The following SLC26A3 variants were observed in gnomAD, a reference collection of about 807,000 sequenced individuals.
SLC26A3 encodes chloride anion exchanger.
SLC26A3 carries 64 observed loss-of-function variants against 85.6 expected under a neutral mutation model. The observed-to-expected ratio is 0.75, with a 90% CI of 0.61 to 0.92. The LOEUF (loss-of-function observed/expected upper bound fraction) is 0.92. SLC26A3 is among the 40% of genes least tolerant of loss of function. SLC26A3 has a pLI of 0.00. For missense variants in SLC26A3, 922 were observed against 927.3 expected, an observed-to-expected ratio of 0.99 and a Z score of 0.07; for synonymous variants, 349 against 336.0, an observed-to-expected ratio of 1.04 and a Z score of -0.42.
chr7:107,793,565 G>C (rs1430245060), intron 3 of SLC26A3, among the ~76,000 whole-genome samples, 177 bp downstream of exon 3: 1 of 152,092 alleles, frequency 6.6e-6, no homozygotes, highest in Non-Finnish European at 1.5e-5. Context: ...GAAAGGGTAG[G>C]GGGGATGTGA....
At chr7:107,769,926 G>A (rs2115791495) in intron 18 of SLC26A3, among the ~76,000 whole-genome samples, 1 of 152,036 alleles carries the variant, frequency 6.6e-6, no homozygotes, top group South Asian at 2.1e-4. Flanking sequence ...TACTCAAAAT[G>A]TCATATTGCT....
chr7:107,775,625 G>T (rs192216835), intron 15 of SLC26A3, among the ~76,000 whole-genome samples: 1 of 151,556 alleles, frequency 6.6e-6, no homozygotes, highest in Non-Finnish European at 1.5e-5. Flanking sequence ...TCATCTACTT[G>T]GGGGGCTGAG....
chr7:107,780,697 C>T (rs2115836061), intron 11 of SLC26A3, among the ~76,000 whole-genome samples: 1 of 152,132 alleles, frequency 6.6e-6, no homozygotes, highest in South Asian at 2.1e-4. Context: ...ACAGGTAATC[C>T]TTATAATATA....
intron 1 of SLC26A3, among the ~76,000 whole-genome samples, chr7:107,796,942 G>A (rs909904736): frequency 2.0e-5 from 3 of 152,056 alleles, no homozygotes; most frequent in Non-Finnish European, 4.4e-5. Flanking sequence ...GATCTTGAAG[G>A]TACTTTTATT....
chr7:107,783,138 T>C, intron 9 of SLC26A3, 45 bp from the exon 10 acceptor site: 8 of 1,613,338 alleles, frequency 5.0e-6, no homozygotes, highest in Non-Finnish European at 5.9e-6. Flanking sequence ...GTGGCACCAT[T>C]GATATTATGT....
At chr7:107,785,846 G>A (rs913127733) in intron 8 of SLC26A3, among the ~76,000 whole-genome samples, 16 of 151,838 alleles carry the variant, frequency 1.1e-4, no homozygotes, top group East Asian at 9.7e-4. Flanking sequence ...CTGATTTCTC[G>A]AATTCTCAAA....
At chr7:107,778,104 G>A (rs1794150076) in intron 13 of SLC26A3, 71 bp downstream of exon 13, 5 of 1,006,190 alleles carry the variant, frequency 5.0e-6, no homozygotes, top group South Asian at 4.0e-5. Flanking sequence ...TTTAGCCAGT[G>A]ACATTTTTTT....
In SLC26A3 at chr7:107,791,195, A is replaced by G; in HGVS notation, c.423T>C (p.Val141=). The change falls in exon 5 of 21, where the codon GTT becomes GTC. Residue 141 remains valine, a synonymous_variant. Coordinates refer to ENST00000340010, the MANE Select transcript of SLC26A3 (RefSeq NM_000111.3). ...GGACTGCTTTTGAAACTGCTCCTGA[A>G]ACTGCTAGTCCCACCATCATACTCA... is the stretch of plus-strand genomic sequence containing the variant. The part of the protein sequence containing the change: ...PILSMMVGLA[V]SGAVSKAVPD... The G allele has an allele frequency of 8.7e-6, 14 of 1,614,158 alleles. No individual in the cohort carries two copies. Among genetic ancestry groups the G allele is most frequent in the Non-Finnish European group, 1.1e-5 (13 of 1,180,024 alleles).
At chr7:107,776,782 A>T in intron 13 of SLC26A3, 76 bp from the exon 14 acceptor site, 1 of 1,228,348 alleles carries the variant, frequency 8.1e-7, no homozygotes, top group Non-Finnish European at 1.2e-6. Flanking sequence ...GACTTTTTCC[A>T]GCATACCAAA....
intron 11 of SLC26A3, among the ~76,000 whole-genome samples, chr7:107,782,573 G>A (rs961581432): frequency 2.0e-5 from 3 of 152,202 alleles, no homozygotes; most frequent in Admixed American, 2.0e-4. Flanking sequence ...CATGCAAAGT[G>A]TAGAGGAGAT....
chr7:107,791,226 G>C lies in SLC26A3; in HGVS notation c.392C>G (p.Pro131Arg), dbSNP rs386833481. The change falls in exon 5 of 21, where the codon CCG (proline) becomes CGG (arginine). Residue 131 changes from proline to arginine, a missense_variant. By Grantham distance (103) the Pro-to-Arg change is moderately radical. Coordinates refer to ENST00000340010, the MANE Select transcript of SLC26A3 (RefSeq NM_000111.3). Reference protein sequence around the residue: ...TSRHISVGPFPILSMMVGLAV... With the variant: ...TSRHISVGPFRILSMMVGLAV... ...TAGTCCCACCATCATACTCAGAATC[G>C]GAAACGGACCTAATTAACAGTGGGT... 44 of 1,614,160 alleles carry C rather than the reference G, an allele frequency of 2.7e-5. No homozygotes were observed. The highest frequency in any genetic ancestry group is 3.7e-5 in the Non-Finnish European group (44 of 1,180,026).
intron 6 of SLC26A3, among the ~76,000 whole-genome samples, chr7:107,789,113 C>CTTTTTTT (rs1444704449): frequency 4.8e-5 from 6 of 124,866 alleles, no homozygotes; most frequent in African/African-American, 1.8e-4. Context: ...CTTTTCTTTT[C>CTTTTTTT]TTTTTCTTTT....
At position 107,779,763 on chromosome 7, in the gene SLC26A3, A is replaced by G. The variant is rs763669046; in HGVS notation, c.1312T>C (p.Ser438Pro). The G allele has an allele frequency of 4.8e-5, 78 of 1,612,398 alleles. No homozygotes were observed. The highest frequency in any genetic ancestry group is 6.5e-5 in the Non-Finnish European group (77 of 1,178,612). The change falls in exon 12 of 21, where the codon TCC (serine) becomes CCC (proline). Residue 438 changes from serine (S) to proline (P), a missense_variant and splice_region_variant. Ser to Pro is a moderately conservative substitution (Grantham distance 74). Coordinates refer to ENST00000340010, the MANE Select transcript of SLC26A3 (RefSeq NM_000111.3). ...CCCAATGCTAAAGCTGCCAGGACGG[A>G]CTGTGAAAAACACAAACATCAGATG... is the stretch of plus-strand genomic sequence containing the variant. ...IGFLLAPLQKSVLAALALGNL... is the reference protein window; with the variant it reads ...IGFLLAPLQKPVLAALALGNL...
chr7:107,769,979 CCCT>C (rs1793976833), intron 18 of SLC26A3, among the ~76,000 whole-genome samples: 1 of 141,780 alleles, frequency 7.1e-6, no homozygotes, highest in Non-Finnish European at 1.6e-5. Flanking sequence ...CTCCCTCCCT[CCCT>C]TCCTTCCTTC....
chr7:107,794,957 T>G (rs1487489163), intron 1 of SLC26A3, among the ~76,000 whole-genome samples: 4 of 152,196 alleles, frequency 2.6e-5, no homozygotes, highest in Non-Finnish European at 4.4e-5. Context: ...GATTTAAAGT[T>G]TTTTTATTGC....
chr7:107,793,213 T>C (rs771539413), intron 3 of SLC26A3, among the ~76,000 whole-genome samples: 17 of 152,344 alleles, frequency 1.1e-4, no homozygotes, highest in Admixed American at 3.3e-4. Flanking sequence ...AGTTACCCTA[T>C]GATCCAGCAA....
Position 107,776,475 on chromosome 7 carries a change from A to G in SLC26A3, c.1654T>C (p.Phe552Leu), listed in dbSNP as rs1452259989. The change falls in exon 15 of 21, where the codon TTT becomes CTT. Residue 552 changes from phenylalanine (F) to leucine (L), a missense_variant. Physicochemically the swap from Phe to Leu is conservative, Grantham distance 22. Transcript: ENST00000340010. ...ACAGCATCGATAAGTTTCCGCCTAA[A>G]GAAACCAATGTTTGCAAAGTAGATA... ...SPIYFANIGFFRRKLIDAVGF... is the reference protein window; with the variant it reads ...SPIYFANIGFLRRKLIDAVGF... 1 of 1,613,994 alleles carries G rather than the reference A, an allele frequency of 6.2e-7. No homozygotes were observed. Among genetic ancestry groups the G allele is most frequent in the African/African-American group, 1.3e-5 (1 of 74,962 alleles).
At chr7:107,767,540 T>C (rs780555812) in intron 20 of SLC26A3, 39 bp downstream of exon 20, 14 of 1,474,540 alleles carry the variant, frequency 9.5e-6, no homozygotes, top group Non-Finnish European at 1.3e-5. Context: ...TTTTTTGCTG[T>C]GATGTCTAGG....
chr7:107,797,475 C>A (rs1794526698), intron 1 of SLC26A3, among the ~76,000 whole-genome samples: 1 of 150,998 alleles, frequency 6.6e-6, no homozygotes, highest in Non-Finnish European at 1.5e-5. Flanking sequence ...GCCTGGGTGA[C>A]AGAGCGAGAC....
Sources: gnomAD v4.1 joint callset for allele counts (sites outside exome capture counted in the v4.1 genomes callset) on GRCh38, gnomAD v4.1.1 for gene constraint, MANE v1.5 for transcripts, NCBI Gene and HGNC (gene_info 2026-07-23, HGNC 2026-07-21) for gene names.